The following TTC28 variants were observed in gnomAD, a reference collection of about 807,000 sequenced individuals.
TTC28 encodes tetratricopeptide repeat domain 28.
A neutral mutation model predicts 198.0 loss-of-function variants in TTC28; 61 were observed. That is an observed-to-expected ratio of 0.31 (90% CI 0.25 to 0.38). The LOEUF (loss-of-function observed/expected upper bound fraction) is 0.38. Among genes scored for constraint, TTC28 ranks in the 10% least tolerant of loss-of-function variants. The probability of loss-of-function intolerance (pLI) is 1.00; values close to 1 mark genes in which losing one functional copy is unlikely to be tolerated. For missense variants in TTC28, 2,678 were observed against 3,164.0 expected (o/e 0.85, Z 3.69); for synonymous variants, 1,171 against 1,297.8 (o/e 0.90, Z 2.10).
At chr22:28,323,452 C>T (rs1217002367) in intron 2 of TTC28, among the ~76,000 whole-genome samples, 1 of 152,126 alleles carries the variant, frequency 6.6e-6, no homozygotes, top group Non-Finnish European at 1.5e-5. Context: ...AGCAGAAATT[C>T]TGGAGTTGAA....
chr22:28,177,326 A>AC (rs1923260424), intron 5 of TTC28, among the ~76,000 whole-genome samples: 1 of 152,236 alleles, frequency 6.6e-6, no homozygotes, highest in Non-Finnish European at 1.5e-5. Context: ...ACGTATTAGA[A>AC]CAGCTAAAAT....
At chr22:28,032,399 G>C (rs1939172701) in intron 12 of TTC28, among the ~76,000 whole-genome samples, 1 of 150,344 alleles carries the variant, frequency 6.7e-6, no homozygotes, top group Non-Finnish European at 1.5e-5. Flanking sequence ...ATTGATGACT[G>C]GTAAAGTCCT....
chr22:28,063,515 TG>T (rs1940631309), intron 12 of TTC28, among the ~76,000 whole-genome samples: 1 of 152,210 alleles, frequency 6.6e-6, no homozygotes, highest in Non-Finnish European at 1.5e-5. Flanking sequence ...TTCAGGCGGT[TG>T]GTATTTCCCC....
At chr22:28,121,282 T>C (rs1942780583) in intron 6 of TTC28, among the ~76,000 whole-genome samples, 1 of 152,222 alleles carries the variant, frequency 6.6e-6, no homozygotes, top group Admixed American at 6.5e-5. Context: ...TCCCAAGACA[T>C]TTGTTGGTTC....
rs190387399 is a variant in TTC28, at chr22:28,088,922, A to T, written c.3932+5158T>A. Among the ~76,000 whole-genome samples the T allele has an allele frequency of 2.5e-4, 38 of 152,378 alleles. No homozygotes were observed. In the East Asian group the frequency reaches 6.7e-3, roughly 27 times the overall value. On this transcript the variant is annotated intron_variant, in intron 12 of 22. Coordinates refer to ENST00000397906, the MANE Select transcript of TTC28 (RefSeq NM_001145418.2). ...AAACACACGTGAAAAAATGCTCACC[A>T]TCACTGGCCATCAGAGAAATGCAAA...
At chr22:28,148,378 C>T (rs1223474986) in intron 6 of TTC28, among the ~76,000 whole-genome samples, 1 of 152,148 alleles carries the variant, frequency 6.6e-6, no homozygotes. Context: ...CTTTGGGAGG[C>T]CAAGGCAGGC....
intron 2 of TTC28, among the ~76,000 whole-genome samples, chr22:28,578,880 T>A (rs1168431800): frequency 6.6e-6 from 1 of 152,042 alleles, no homozygotes; most frequent in African/African-American, 2.4e-5. Flanking sequence ...AGGCAAATTG[T>A]CTATCCCAGC....
At chr22:28,299,186 T>C (rs1450838419) in intron 3 of TTC28, among the ~76,000 whole-genome samples, 1 of 152,042 alleles carries the variant, frequency 6.6e-6, no homozygotes, top group Admixed American at 6.6e-5. Context: ...TAAAAAGCAC[T>C]TATTATTAGC....
chr22:28,258,129 C>T (rs1385584658), intron 5 of TTC28, among the ~76,000 whole-genome samples: 1 of 152,072 alleles, frequency 6.6e-6, no homozygotes, highest in Non-Finnish European at 1.5e-5. Flanking sequence ...CATTACTTAG[C>T]AATGTCTGTG....
At chr22:28,480,563 T>C (rs2146321085) in intron 2 of TTC28, among the ~76,000 whole-genome samples, 1 of 152,334 alleles carries the variant, frequency 6.6e-6, no homozygotes, top group East Asian at 1.9e-4. Context: ...ATCTGATGAT[T>C]GAAATCAATG....
intron 12 of TTC28, among the ~76,000 whole-genome samples, chr22:28,088,457 C>G (rs1161227191): frequency 5.3e-5 from 8 of 152,064 alleles, no homozygotes; most frequent in Non-Finnish European, 1.2e-4. Context: ...ACTGGCTAGC[C>G]ATATGTAGAA....
At chr22:28,280,589 C>T (rs947610997) in intron 5 of TTC28, among the ~76,000 whole-genome samples, 11 of 152,126 alleles carry the variant, frequency 7.2e-5, no homozygotes, top group Admixed American at 4.6e-4. Flanking sequence ...CCATCTGCCT[C>T]GGCCTCCCAG....
At chr22:28,648,442 CAAAG>C (rs1274979342) in intron 1 of TTC28, among the ~76,000 whole-genome samples, 3 of 152,174 alleles carry the variant, frequency 2.0e-5, no homozygotes, top group African/African-American at 7.2e-5. Context: ...GGCAATTTCT[CAAAG>C]AACTAAAAGT....
intron 5 of TTC28, among the ~76,000 whole-genome samples, chr22:28,220,147 G>T (rs757434959): frequency 6.6e-6 from 1 of 152,166 alleles, no homozygotes; most frequent in East Asian, 1.9e-4. Context: ...AATGTTAGTA[G>T]GAGAGAGAAA....
chr22:28,491,487 C>A (rs1188989676), intron 2 of TTC28, among the ~76,000 whole-genome samples: 4 of 152,166 alleles, frequency 2.6e-5, no homozygotes, highest in African/African-American at 9.7e-5. Context: ...GACATCTATG[C>A]AGCCAAAAAA....
chr22:27,999,064 C>T lies in TTC28; in HGVS notation c.4595G>A (p.Arg1532Lys), dbSNP rs541917098. Residue 1532 changes from arginine (R) to lysine (K), a missense_variant, in exon 16 of 23, where the codon AGG becomes AAG. Coordinates refer to ENST00000397906, the MANE Select transcript of TTC28 (RefSeq NM_001145418.2). ...AGCCTGGGTCAGGGCACTCATGACC[C>T]TCTCCTTGGTGGCCACACTGCCCAC... ...PLVGSVATKERVMSALTQAEC... is the reference protein window; with the variant it reads ...PLVGSVATKEKVMSALTQAEC... 9.7e-6 allele frequency: 15 copies of T among 1,550,460 alleles called. 1 individual carries two copies. The South Asian group carries it at 1.8e-4, about 18-fold the overall frequency.
chr22:28,307,853 G>A (rs1272059105), intron 2 of TTC28, among the ~76,000 whole-genome samples: 1 of 151,950 alleles, frequency 6.6e-6, no homozygotes, highest in Non-Finnish European at 1.5e-5. Context: ...GGATCTAAAT[G>A]AAGTTTCAAA....
intron 2 of TTC28, among the ~76,000 whole-genome samples, chr22:28,546,751 G>A (rs80040802): frequency 0.013 from 1,995 of 152,182 alleles, 55 homozygotes; most frequent in African/African-American, 0.046. Flanking sequence ...TAAATAAATT[G>A]TAATATATCT....
chr22:28,275,018 A>G (rs1360489704), intron 5 of TTC28, among the ~76,000 whole-genome samples: 1 of 150,504 alleles, frequency 6.6e-6, no homozygotes, highest in Admixed American at 6.6e-5. Context: ...AGAGAGAAGC[A>G]TTAGGAATTT....
Sources: allele counts gnomAD v4.1 joint callset (sites outside exome capture counted in the v4.1 genomes callset), GRCh38; gene constraint gnomAD v4.1.1; transcripts MANE v1.5; gene names NCBI Gene and HGNC (gene_info 2026-07-23, HGNC 2026-07-21).